Variants in ZNF846 observed in about 807,000 individuals in gnomAD.
The protein encoded by ZNF846 is zinc finger protein 846.
ZNF846 carries 15 observed loss-of-function variants against 16.0 expected under a neutral mutation model. That is an observed-to-expected ratio of 0.94 (90% confidence interval 0.63 to 1.45). ZNF846 has a LOEUF of 1.45. Ranked by LOEUF, ZNF846 falls within the 40% of genes most tolerant of loss-of-function variation. The probability of loss-of-function intolerance (pLI) is 0.00; values close to 1 mark genes in which losing one functional copy is unlikely to be tolerated. For missense variants in ZNF846, 714 were observed against 622.3 expected (o/e 1.15, Z -1.57); for synonymous variants, 229 against 212.0 (o/e 1.08, Z -0.70).
At chr19:9,763,790 A>G (rs1357510584) in intron 2 of ZNF846, among the ~76,000 whole-genome samples, 1 of 152,226 alleles carries the variant, frequency 6.6e-6, no homozygotes, top group East Asian at 1.9e-4. Flanking sequence ...CTGTCATAAC[A>G]CTCAGCAAAA....
At chr19:9,750,180 GC>G (rs993910401), downstream of ZNF846, among the ~76,000 whole-genome samples, 9 of 151,966 alleles carry the variant, frequency 5.9e-5, no homozygotes, top group Non-Finnish European at 1.3e-4. Flanking sequence ...AAAAACATTG[GC>G]AGTCACTAAT....
intron 5 of ZNF846, among the ~76,000 whole-genome samples, chr19:9,759,381 T>G (rs1183547511): frequency 6.6e-6 from 1 of 151,456 alleles, no homozygotes; most frequent in Non-Finnish European, 1.5e-5. Context: ...GCAGGTGGAT[T>G]GCTTTGAGCT....
chr19:9,757,393 TGAA>T (rs1406297392), downstream of ZNF846: 1 of 1,132,166 alleles, frequency 8.8e-7, no homozygotes, highest in East Asian at 2.4e-5. Context: ...GGAAATTCAG[TGAA>T]GGTTGTTCAT....
intron 1 of ZNF846, among the ~76,000 whole-genome samples, chr19:9,778,460 C>T (rs1270942361): frequency 6.6e-6 from 1 of 152,124 alleles, no homozygotes; most frequent in African/African-American, 2.4e-5. Context: ...CTGCTCTAGA[C>T]CTACCTCCCA....
At chr19:9,757,700 A>T (rs2045154600) in exon 6 of ZNF846, 5 of 1,613,126 alleles carry the variant, frequency 3.1e-6, no homozygotes, top group Non-Finnish European at 3.4e-6. Context: ...TGGAACGAGC[A>T]AATGCTTTAC....
chr19:9,774,779 T>C, intron 1 of ZNF846: 1 of 1,583,498 alleles, frequency 6.3e-7, no homozygotes, highest in South Asian at 1.1e-5. Flanking sequence ...TGCTGAAAAC[T>C]GGAAGCCAGC....
downstream of ZNF846, among the ~76,000 whole-genome samples, chr19:9,749,241 C>T (rs774607372): frequency 6.6e-6 from 1 of 152,156 alleles, no homozygotes; most frequent in Non-Finnish European, 1.5e-5. Context: ...TAGGTCTATT[C>T]GTCCTTACCC....
chr19:9,757,643 A>G, exon 6 of ZNF846: 3 of 1,613,620 alleles, frequency 1.9e-6, no homozygotes, highest in Non-Finnish European at 2.5e-6. Flanking sequence ...CTTTACATGC[A>G]TAAGGCTTTT....
intron 1 of ZNF846, among the ~76,000 whole-genome samples, chr19:9,777,092 T>C (rs1395881278): frequency 1.1e-4 from 17 of 150,848 alleles, no homozygotes; most frequent in Admixed American, 1.1e-3. Flanking sequence ...TTTAAAACAA[T>C]TGATTCAGGA....
intron 4 of ZNF846, among the ~76,000 whole-genome samples, chr19:9,761,759 G>A (rs1488233365): frequency 2.0e-5 from 3 of 151,210 alleles, no homozygotes; most frequent in Non-Finnish European, 4.4e-5. Context: ...ATAATATGCA[G>A]AAAACTGAGG....
chr19:9,777,891 T>A (rs900457691), intron 1 of ZNF846, among the ~76,000 whole-genome samples: 1 of 151,786 alleles, frequency 6.6e-6, no homozygotes, highest in African/African-American at 2.4e-5. Context: ...GCAGCTATTG[T>A]GAGTAACGGT....
rs563111864 is a variant in ZNF846 at position 9,763,068 on chromosome 19, C to T, written c.142+214G>A. On this transcript the variant is annotated intron_variant, in intron 3 of 5. Transcript: ENST00000397902. Reference sequence around the variant, plus strand: ...CTGAGGCAGGAGAATCACTTGAATCCAGGAGGGGGGGCTTTGCAGTAAGCA... The same window carrying T: ...CTGAGGCAGGAGAATCACTTGAATCTAGGAGGGGGGGCTTTGCAGTAAGCA... 2.0e-5 allele frequency among the ~76,000 whole-genome samples: 3 copies of T among 151,692 alleles called. No individual in the cohort carries two copies. The East Asian group carries it at 5.8e-4, about 29-fold the overall frequency.
At chr19:9,768,650 C>T (rs926744943), upstream of ZNF846, 5 of 152,392 alleles carry the variant, frequency 3.3e-5, no homozygotes. Flanking sequence ...CCGCTAGGCC[C>T]TCCTGCCCCG....
chr19:9,757,222 G>T (rs931274568), downstream of ZNF846, among the ~76,000 whole-genome samples: 7 of 151,272 alleles, frequency 4.6e-5, no homozygotes, highest in African/African-American at 1.5e-4. Flanking sequence ...ATAAACAATA[G>T]TGGAAGAAAC....
chr19:9,781,253 A>C (rs2045498772), intron 1 of ZNF846, among the ~76,000 whole-genome samples: 1 of 152,036 alleles, frequency 6.6e-6, no homozygotes, highest in Non-Finnish European at 1.5e-5. Flanking sequence ...CAGCCTCCTG[A>C]GTAGCTGGAA....
chr19:9,758,787 T>C (rs756860882), intron 5 of ZNF846, 23 bp from the exon 6 acceptor site: 17 of 1,509,000 alleles, frequency 1.1e-5, no homozygotes, highest in Non-Finnish European at 1.5e-5. Context: ...AAAAGATGAA[T>C]AAAGAATTTC....
At chr19:9,761,984 A>G in intron 4 of ZNF846, 98 bp downstream of exon 4, 1 of 949,384 alleles carries the variant, frequency 1.1e-6, no homozygotes, top group Non-Finnish European at 1.7e-6. Context: ...GAAGAAGAGT[A>G]TACCCTGAGA....
intron 3 of ZNF846, 44 bp from the exon 4 acceptor site, chr19:9,762,212 A>T (rs1568323783): frequency 1.4e-6 from 2 of 1,474,190 alleles, no homozygotes; most frequent in Non-Finnish European, 1.9e-6. Context: ...TGCAAGACAT[A>T]ACACCATGTC....
At chr19:9,767,848 C>T (rs568628195) in intron 1 of ZNF846, among the ~76,000 whole-genome samples, 2 of 152,060 alleles carry the variant, frequency 1.3e-5, no homozygotes, top group Non-Finnish European at 2.9e-5. Flanking sequence ...GCAGGAGAAT[C>T]GCTTGGACCG....
Sources: gnomAD v4.1 joint callset for allele counts (sites outside exome capture counted in the v4.1 genomes callset) on GRCh38, gnomAD v4.1.1 for gene constraint, MANE v1.5 for transcripts, NCBI Gene and HGNC (gene_info 2026-07-23, HGNC 2026-07-21) for gene names.